The following EFNA5 variants were observed in gnomAD, a reference collection of about 807,000 sequenced individuals.
EFNA5 encodes the protein ephrin A5.
A neutral mutation model predicts 22.9 loss-of-function variants in EFNA5; 5 were observed. That is an observed-to-expected ratio of 0.22 (90% CI 0.11 to 0.46). The LOEUF is 0.46. Among genes scored for constraint, EFNA5 ranks in the 20% least tolerant of loss-of-function variants. The pLI, the probability that EFNA5 is intolerant of heterozygous loss-of-function variation, is 0.99. For missense variants in EFNA5, 237 were observed against 293.3 expected, an observed-to-expected ratio of 0.81 and a Z score of 1.40; for synonymous variants, 113 against 112.2, an observed-to-expected ratio of 1.01 and a Z score of -0.04.
At chr5:107,456,915 A>G (rs1199874780) in intron 1 of EFNA5, among the ~76,000 whole-genome samples, 5 of 152,094 alleles carry the variant, frequency 3.3e-5, no homozygotes, top group Admixed American at 3.3e-4. Context: ...CTGAATGTTC[A>G]TTCTGACCCT....
chr5:107,514,480 T>C (rs1470600481), intron 1 of EFNA5, among the ~76,000 whole-genome samples: 1 of 152,182 alleles, frequency 6.6e-6, no homozygotes, highest in Non-Finnish European at 1.5e-5. Context: ...ACCTGGAACG[T>C]GAGTCATTTG....
chr5:107,544,703 A>T (rs899980320), intron 1 of EFNA5, among the ~76,000 whole-genome samples: 2 of 152,058 alleles, frequency 1.3e-5, no homozygotes, highest in Admixed American at 1.3e-4. Context: ...CAGTTATGGC[A>T]CTCGTCACGT....
At chr5:107,475,643 T>A (rs1580477195) in intron 1 of EFNA5, among the ~76,000 whole-genome samples, 1 of 152,128 alleles carries the variant, frequency 6.6e-6, no homozygotes, top group Non-Finnish European at 1.5e-5. Flanking sequence ...AAAGCCAGTA[T>A]AATTTTGAAG....
At chr5:107,665,149 C>T (rs533235525) in intron 1 of EFNA5, among the ~76,000 whole-genome samples, 14 of 152,268 alleles carry the variant, frequency 9.2e-5, no homozygotes, top group African/African-American at 3.4e-4. Flanking sequence ...TTATCCCAAG[C>T]TAGCAAAGGC....
At chr5:107,577,664 A>T (rs578135418) in intron 1 of EFNA5, among the ~76,000 whole-genome samples, 1 of 152,180 alleles carries the variant, frequency 6.6e-6, no homozygotes, top group South Asian at 2.1e-4. Flanking sequence ...GTCTTATTGT[A>T]AACTCTGGAC....
At chr5:107,396,648 C>G (rs1747935783) in intron 2 of EFNA5, among the ~76,000 whole-genome samples, 2 of 151,072 alleles carry the variant, frequency 1.3e-5, no homozygotes, top group East Asian at 1.9e-4. Flanking sequence ...GTGATCTTCT[C>G]TAGCATAAAT....
intron 1 of EFNA5, among the ~76,000 whole-genome samples, chr5:107,578,276 GTTA>G (rs1748968170): frequency 6.6e-6 from 1 of 152,156 alleles, no homozygotes; most frequent in Non-Finnish European, 1.5e-5. Flanking sequence ...AATCCAACTG[GTTA>G]TGCATGTATA....
At chr5:107,545,805 C>T (rs1748133786) in intron 1 of EFNA5, among the ~76,000 whole-genome samples, 1 of 152,154 alleles carries the variant, frequency 6.6e-6, no homozygotes, top group African/African-American at 2.4e-5. Context: ...AGACCAAAAG[C>T]AACTCAAACT....
intron 2 of EFNA5, among the ~76,000 whole-genome samples, chr5:107,395,741 G>T (rs893828961): frequency 3.3e-5 from 5 of 152,116 alleles, no homozygotes; most frequent in African/African-American, 1.2e-4. Context: ...TACTAGAGAG[G>T]TATTATCTGA....
chr5:107,511,460 G>T (rs1747369019), intron 1 of EFNA5, among the ~76,000 whole-genome samples: 1 of 152,128 alleles, frequency 6.6e-6, no homozygotes, highest in Admixed American at 6.5e-5. Context: ...TGGTAGTCAA[G>T]CATGAAACTG....
At position 107,592,028 on chromosome 5, in the gene EFNA5, T is replaced by TTA. The variant is rs1380450809; in HGVS notation, c.125+78459_125+78460dup. Among the ~76,000 whole-genome samples, 25 of 68,448 alleles carry TTA rather than the reference T, an allele frequency of 3.7e-4. 1 individual carries two copies. Among genetic ancestry groups the TTA allele is most frequent in the African/African-American group, 2.6e-3 (22 of 8,422 alleles). The allele number at this position is 68,448 out of a possible 152,430, so 44.9% of individuals were successfully genotyped here. ...TATAATATATATAATATAATATATA[T>TTA]TATATATTATATATATTATACATTA... On this transcript the variant is annotated intron_variant, in intron 1 of 4. Transcript: ENST00000333274.
At chr5:107,477,929 G>A (rs970918986) in intron 1 of EFNA5, among the ~76,000 whole-genome samples, 1 of 152,000 alleles carries the variant, frequency 6.6e-6, no homozygotes, top group African/African-American at 2.4e-5. Context: ...ATCAATCAGA[G>A]GCTGATATTT....
At chr5:107,422,088 G>A (rs1419188364) in intron 2 of EFNA5, among the ~76,000 whole-genome samples, 3 of 152,134 alleles carry the variant, frequency 2.0e-5, no homozygotes, top group Non-Finnish European at 4.4e-5. Flanking sequence ...ACTGCGCCCG[G>A]CCCTCTTCTT....
At chr5:107,436,112 A>G (rs1749102653) in intron 1 of EFNA5, among the ~76,000 whole-genome samples, 1 of 152,240 alleles carries the variant, frequency 6.6e-6, no homozygotes, top group Non-Finnish European at 1.5e-5. Flanking sequence ...TTTCTACTAC[A>G]AGTCATGTCA....
intron 2 of EFNA5, among the ~76,000 whole-genome samples, chr5:107,422,201 G>C (rs2112415381): frequency 6.6e-6 from 1 of 152,246 alleles, no homozygotes; most frequent in East Asian, 1.9e-4. Context: ...TTCTTCACCT[G>C]TAAATAGGGA....
At chr5:107,445,796 T>A (rs1374179705) in intron 1 of EFNA5, among the ~76,000 whole-genome samples, 2 of 152,242 alleles carry the variant, frequency 1.3e-5, no homozygotes, top group East Asian at 3.8e-4. Flanking sequence ...AAATTTCACC[T>A]CTAATCCTTC....
intron 1 of EFNA5, among the ~76,000 whole-genome samples, chr5:107,509,220 T>C (rs1349069702): frequency 6.6e-6 from 1 of 152,200 alleles, no homozygotes; most frequent in Non-Finnish European, 1.5e-5. Context: ...TGTCTTTAGA[T>C]ACCCTTTTAC....
chr5:107,542,150 C>G (rs971177321), intron 1 of EFNA5, among the ~76,000 whole-genome samples: 1 of 152,130 alleles, frequency 6.6e-6, no homozygotes, highest in Non-Finnish European at 1.5e-5. Flanking sequence ...GCCACACTTT[C>G]AGGGGGAAAA....
At chr5:107,429,471 C>T (rs1485383022) in intron 1 of EFNA5, among the ~76,000 whole-genome samples, 1 of 151,920 alleles carries the variant, frequency 6.6e-6, no homozygotes, top group African/African-American at 2.4e-5. Flanking sequence ...AAGAAATAGA[C>T]CACCTTCACT....
Sources: gnomAD v4.1 joint callset for allele counts (sites outside exome capture counted in the v4.1 genomes callset) on GRCh38, gnomAD v4.1.1 for gene constraint, MANE v1.5 for transcripts, NCBI Gene and HGNC (gene_info 2026-07-23, HGNC 2026-07-21) for gene names.